Variants in ARAP2 observed in about 807,000 individuals in gnomAD.
ARAP2 encodes the protein ArfGAP with RhoGAP domain, ankyrin repeat and PH domain 2.
In ARAP2, 148 loss-of-function variants were observed where a neutral mutation model predicts 194.5. That is an observed-to-expected ratio of 0.76 (90% CI 0.67 to 0.87). The LOEUF is 0.87. Ranked by LOEUF, ARAP2 falls within the 40% of genes least tolerant of loss-of-function variation. The probability of loss-of-function intolerance (pLI) is 0.00; values close to 1 mark genes in which losing one functional copy is unlikely to be tolerated. For missense variants in ARAP2, 2,128 were observed against 1,989.7 expected (o/e 1.07, Z -1.32); for synonymous variants, 695 against 683.5 (o/e 1.02, Z -0.26).
chr4:36,136,989 T>C (rs1726993833), intron 19 of ARAP2, among the ~76,000 whole-genome samples: 1 of 151,754 alleles, frequency 6.6e-6, no homozygotes. Context: ...ATCAATGATG[T>C]GTCAAAGGCA....
In ARAP2 at chr4:36,119,467, T is replaced by C. The variant is rs538012483; in HGVS notation, c.3963+183A>G. ...GATTTTCTATTTTTAAAAATTTACA[T>C]TAACATATTTTGCATATATGTATCA... On this transcript the variant is annotated intron_variant, in intron 24 of 32. Transcript: ENST00000303965. Among the ~76,000 whole-genome samples the C allele has an allele frequency of 3.3e-5, 5 of 151,590 alleles. No homozygotes were observed. The East Asian group carries it at 9.7e-4, about 29-fold the overall frequency.
At chr4:36,100,923 G>A (rs1716726788) in intron 27 of ARAP2, among the ~76,000 whole-genome samples, 1 of 151,814 alleles carries the variant, frequency 6.6e-6, no homozygotes. Flanking sequence ...TCTCCTTTAT[G>A]TTATTTATAC....
chr4:36,022,513 T>C (rs563087599), intron 5 of ARAP2, among the ~76,000 whole-genome samples: 1 of 152,184 alleles, frequency 6.6e-6, no homozygotes, highest in African/African-American at 2.4e-5. Flanking sequence ...TTAAGGCTGA[T>C]GCAAAAAAGC....
chr4:36,058,385 C>T (rs1295244408), intron 1 of ARAP2, among the ~76,000 whole-genome samples: 3 of 152,170 alleles, frequency 2.0e-5, no homozygotes, highest in Admixed American at 1.3e-4. Context: ...ACTGCAAAAG[C>T]TCTGCTGTTC....
intron 5 of ARAP2, among the ~76,000 whole-genome samples, chr4:36,019,858 G>A (rs1317727343): frequency 3.9e-5 from 6 of 152,112 alleles, no homozygotes; most frequent in Non-Finnish European, 8.8e-5. Context: ...CTTAGTAGGA[G>A]AGAGTAGTCT....
intron 9 of ARAP2, among the ~76,000 whole-genome samples, chr4:36,168,137 TCTC>T (rs754756460): frequency 3.3e-5 from 5 of 152,148 alleles, no homozygotes; most frequent in Non-Finnish European, 7.4e-5. Flanking sequence ...AGAAGTGTAT[TCTC>T]CTCTCCCCTA....
intron 7 of ARAP2, among the ~76,000 whole-genome samples, chr4:36,188,756 T>C (rs944976052): frequency 1.3e-5 from 2 of 152,198 alleles, no homozygotes; most frequent in Non-Finnish European, 2.9e-5. Context: ...ATATAACTGA[T>C]TTGGAAAAAA....
intron 17 of ARAP2, 69 bp downstream of exon 17, chr4:36,148,336 A>C (rs1730137357): frequency 8.5e-7 from 1 of 1,174,598 alleles, no homozygotes; most frequent in African/African-American, 1.5e-5. Context: ...TGGACCCCTG[A>C]AGCTCAAACA....
In ARAP2 at chr4:36,226,577, G is replaced by A. The variant is rs536653236; in HGVS notation, c.905+2005C>T. On this transcript the variant is annotated intron_variant, in intron 2 of 32. Coordinates refer to ENST00000303965, the MANE Select transcript of ARAP2 (RefSeq NM_015230.4). ...TCTTTTTGCAATTCATTATTTAAGC[G>A]TTTCACTCTAACTACTTATTTGGAT... 6.6e-5 allele frequency among the ~76,000 whole-genome samples: 10 copies of A among 151,644 alleles called. No individual in the cohort carries two copies. In the East Asian group the frequency reaches 9.7e-4, roughly 15 times the overall value.
At chr4:36,193,034 T>G (rs1742286385) in intron 7 of ARAP2, among the ~76,000 whole-genome samples, 1 of 152,142 alleles carries the variant, frequency 6.6e-6, no homozygotes, top group Non-Finnish European at 1.5e-5. Flanking sequence ...TCAAAAATAT[T>G]CATCCAACCA....
chr4:36,048,925 G>A lies in ARAP2; in HGVS notation n.370-2076C>T, dbSNP rs527427513. 2.6e-5 allele frequency among the ~76,000 whole-genome samples: 4 copies of A among 152,180 alleles called. No homozygotes were observed. In the South Asian group the frequency reaches 8.3e-4, roughly 32 times the overall value. On this transcript the variant is annotated intron_variant and non_coding_transcript_variant, in intron 3 of 12. Coordinates refer to the ARAP2 transcript ENST00000503225. Reference sequence around the variant, plus strand: ...AGAATAGCAATTCTGACTGGTGTAAGATGGTATCTTGTTGTGGTTGTGATT... The same window carrying A: ...AGAATAGCAATTCTGACTGGTGTAAAATGGTATCTTGTTGTGGTTGTGATT...
chr4:36,162,604 C>CTTTTT (rs3055949), intron 11 of ARAP2, among the ~76,000 whole-genome samples: 1,765 of 142,546 alleles, frequency 0.012, 56 homozygotes, highest in East Asian at 0.08. Flanking sequence ...AAGTTCTTGT[C>CTTTTT]TTTTTTTTTT....
intron 4 of ARAP2, among the ~76,000 whole-genome samples, chr4:36,212,826 A>C (rs1747064613): frequency 6.6e-6 from 1 of 152,046 alleles, no homozygotes; most frequent in African/African-American, 2.4e-5. Flanking sequence ...ATAAAGTAGC[A>C]AAAGAGCACA....
In ARAP2 at chr4:36,114,191, C is replaced by T; in HGVS notation, c.4135G>A (p.Val1379Ile). 1 of 1,597,340 alleles carries T rather than the reference C, an allele frequency of 6.3e-7. No individual in the cohort carries two copies. Among genetic ancestry groups the T allele is most frequent in the Non-Finnish European group, 8.6e-7 (1 of 1,166,756 alleles). The change falls in exon 26 of 33, where the codon GTC becomes ATC. Residue 1379 changes from valine (V) to isoleucine (I), a missense_variant. By Grantham distance (29) the Val-to-Ile change is conservative. Coordinates refer to ENST00000303965, the MANE Select transcript of ARAP2 (RefSeq NM_015230.4). ...TTACCTAGCTCTTCATTTTCAATGA[C>T]TTCAAATGTGGCCCAAATATCACCT... ...TKGDIWATFEVIENEELERPL... is the reference protein window; with the variant it reads ...TKGDIWATFEIIENEELERPL...
Position 36,166,941 on chromosome 4 carries a change from C to T in ARAP2, c.1964G>A (p.Arg655Lys), listed in dbSNP as rs757468853. ...TTTAAAAATAGCTTACCTGAAACTC[C>T]TGTAGGGAGTGATTATTTCAAAAGA... ...KQSFEIITPYRSFSFTAETEK... is the reference protein window; with the variant it reads ...KQSFEIITPYKSFSFTAETEK... The change falls in exon 10 of 33, where the codon AGG becomes AAG. Residue 655 changes from arginine to lysine, a missense_variant. Coordinates refer to ENST00000303965, the MANE Select transcript of ARAP2 (RefSeq NM_015230.4). 1.3e-6 allele frequency: 2 copies of T among 1,594,790 alleles called. No individual in the cohort carries two copies. Among genetic ancestry groups the T allele is most frequent in the East Asian group, 2.2e-5 (1 of 44,534 alleles).
chr4:36,181,139 T>C (rs1204068354), intron 8 of ARAP2, among the ~76,000 whole-genome samples: 2 of 152,198 alleles, frequency 1.3e-5, no homozygotes, highest in Non-Finnish European at 2.9e-5. Flanking sequence ...ATAACAAATA[T>C]CTATTGAGTG....
At chr4:36,096,583 T>C (rs1038679380) in intron 27 of ARAP2, among the ~76,000 whole-genome samples, 2 of 152,074 alleles carry the variant, frequency 1.3e-5, no homozygotes, top group African/African-American at 4.8e-5. Flanking sequence ...ATTAATCACA[T>C]TACTGATCCT....
At chr4:36,183,194 C>T (rs574122064) in intron 8 of ARAP2, among the ~76,000 whole-genome samples, 6 of 152,104 alleles carry the variant, frequency 3.9e-5, no homozygotes, top group African/African-American at 1.4e-4. Flanking sequence ...ATGTTTCATG[C>T]CTTGCTTTGA....
intron 11 of ARAP2, among the ~76,000 whole-genome samples, chr4:36,162,184 A>G (rs1429493540): frequency 1.3e-5 from 2 of 151,944 alleles, no homozygotes; most frequent in Non-Finnish European, 2.9e-5. Flanking sequence ...GTACAGACAC[A>G]TGTATAAATA....
Sources: allele counts gnomAD v4.1 joint callset (sites outside exome capture counted in the v4.1 genomes callset), GRCh38; gene constraint gnomAD v4.1.1; transcripts MANE v1.5; gene names NCBI Gene and HGNC (gene_info 2026-07-23, HGNC 2026-07-21).